Variants in MECOM observed in about 807,000 individuals in gnomAD.
MECOM encodes the protein histone-lysine N-methyltransferase MECOM.
A neutral mutation model predicts 116.3 loss-of-function variants in MECOM; 13 were observed. That is an observed-to-expected ratio of 0.11 (90% CI 0.07 to 0.18). The LOEUF is 0.18. Among genes scored for constraint, MECOM ranks in the 10% least tolerant of loss-of-function variants. The pLI is 1.00. For synonymous variants in MECOM, 528 were observed against 535.2 expected, an observed-to-expected ratio of 0.99 and a Z score of 0.19; for missense variants, 1,299 against 1,509.0, an observed-to-expected ratio of 0.86 and a Z score of 2.31.
intron 1 of MECOM, among the ~76,000 whole-genome samples, chr3:169,584,318 C>G (rs1019086919): frequency 2.6e-5 from 4 of 152,038 alleles, no homozygotes; most frequent in African/African-American, 9.7e-5. Context: ...GTAATCCCAG[C>G]ACTTTGGGAG....
chr3:169,554,943 A>C (rs1451167507), intron 1 of MECOM, among the ~76,000 whole-genome samples: 1 of 152,254 alleles, frequency 6.6e-6, no homozygotes, highest in Admixed American at 6.5e-5. Flanking sequence ...ACAAGTATGC[A>C]AGTCACTGAA....
chr3:169,603,960 T>C (rs1404413706), intron 1 of MECOM, among the ~76,000 whole-genome samples: 1 of 152,218 alleles, frequency 6.6e-6, no homozygotes, highest in Non-Finnish European at 1.5e-5. Context: ...GAAGAAGCTT[T>C]TTGGCACTCT....
At chr3:169,320,115 G>A (rs58360662) in intron 2 of MECOM, among the ~76,000 whole-genome samples, 18,853 of 152,170 alleles carry the variant, frequency 0.12, 1,769 homozygotes, top group East Asian at 0.33. Flanking sequence ...GACGTGTGAC[G>A]ATGAAGGGAA....
chr3:169,614,552 C>G (rs1769743202), intron 1 of MECOM, among the ~76,000 whole-genome samples: 1 of 152,178 alleles, frequency 6.6e-6, no homozygotes, highest in African/African-American at 2.4e-5. Context: ...GGCCCGGATT[C>G]CTTTTTAAAC....
intron 2 of MECOM, among the ~76,000 whole-genome samples, chr3:169,309,816 C>T (rs1431273222): frequency 1.3e-5 from 2 of 152,244 alleles, no homozygotes; most frequent in South Asian, 2.1e-4. Context: ...AAACTCATGT[C>T]GCCACCTTGA....
chr3:169,421,360 G>A (rs1159565795), intron 1 of MECOM, among the ~76,000 whole-genome samples: 1 of 152,070 alleles, frequency 6.6e-6, no homozygotes, highest in Non-Finnish European at 1.5e-5. Context: ...GGAGTTGTTT[G>A]CCATACAAGA....
intron 1 of MECOM, among the ~76,000 whole-genome samples, chr3:169,622,765 G>A (rs970554203): frequency 2.0e-5 from 3 of 152,176 alleles, no homozygotes; most frequent in Non-Finnish European, 4.4e-5. Context: ...CTCATGAAAC[G>A]AAGCCATACT....
chr3:169,377,607 C>T (rs1012550041), intron 2 of MECOM, among the ~76,000 whole-genome samples: 2 of 152,110 alleles, frequency 1.3e-5, no homozygotes, highest in African/African-American at 2.4e-5. Flanking sequence ...AAATGCAAAT[C>T]GAAACCACAA....
intron 1 of MECOM, among the ~76,000 whole-genome samples, chr3:169,414,054 T>A (rs1738076246): frequency 6.6e-6 from 1 of 152,174 alleles, no homozygotes; most frequent in South Asian, 2.1e-4. Context: ...GCAGACTGCC[T>A]CCTCAAGTGG....
chr3:169,388,301 T>C (rs1236648145), intron 1 of MECOM, among the ~76,000 whole-genome samples: 3 of 152,178 alleles, frequency 2.0e-5, no homozygotes, highest in Non-Finnish European at 4.4e-5. Context: ...TACAGAGGCT[T>C]GTTTGTGAGA....
intron 2 of MECOM, among the ~76,000 whole-genome samples, chr3:169,192,247 T>C (rs1338013515): frequency 6.6e-6 from 1 of 152,052 alleles, no homozygotes; most frequent in African/African-American, 2.4e-5. Flanking sequence ...TGAATTGGAA[T>C]AACAGAGCCC....
chr3:169,287,036 A>C (rs1713462748), intron 2 of MECOM, among the ~76,000 whole-genome samples: 2 of 152,172 alleles, frequency 1.3e-5, no homozygotes, highest in Admixed American at 6.5e-5. Context: ...TGTGATACTG[A>C]ATGCCAAACC....
At chr3:169,413,111 CAA>C (rs1737828062) in intron 1 of MECOM, among the ~76,000 whole-genome samples, 1 of 152,206 alleles carries the variant, frequency 6.6e-6, no homozygotes, top group Non-Finnish European at 1.5e-5. Context: ...CCAGTGAGAC[CAA>C]TGCAGAAGGC....
intron 1 of MECOM, among the ~76,000 whole-genome samples, chr3:169,527,470 G>A (rs554164253): frequency 2.0e-5 from 3 of 152,234 alleles, no homozygotes; most frequent in East Asian, 1.9e-4. Context: ...TAAGCCCCAC[G>A]CAGTTTCAGT....
chr3:169,638,952 G>A (rs1264255946), intron 1 of MECOM, among the ~76,000 whole-genome samples: 11 of 151,978 alleles, frequency 7.2e-5, no homozygotes, highest in Admixed American at 6.6e-4. Context: ...TCATTTCTGA[G>A]CTAAAGTAGT....
intron 2 of MECOM, among the ~76,000 whole-genome samples, chr3:169,237,027 T>C (rs1382547754): frequency 6.6e-6 from 1 of 152,222 alleles, no homozygotes; most frequent in Non-Finnish European, 1.5e-5. Flanking sequence ...TGAAATCTCA[T>C]ACATGTAATC....
chr3:169,156,816 C>T (rs895756261), intron 2 of MECOM, among the ~76,000 whole-genome samples: 9 of 152,078 alleles, frequency 5.9e-5, no homozygotes, highest in African/African-American at 2.2e-4. Context: ...TATGCATTTC[C>T]CTAGGAGAAA....
At chr3:169,244,921 A>C (rs1459035236) in intron 2 of MECOM, among the ~76,000 whole-genome samples, 1 of 152,246 alleles carries the variant, frequency 6.6e-6, no homozygotes, top group East Asian at 1.9e-4. Context: ...TTATTGACAC[A>C]AACAGTTGAT....
chr3:169,342,801 G>A (rs555357595), intron 2 of MECOM, among the ~76,000 whole-genome samples: 11 of 152,172 alleles, frequency 7.2e-5, no homozygotes, highest in Non-Finnish European at 1.3e-4. Context: ...TAGAGAGAAA[G>A]TGGGAATGTG....
Sources: allele counts gnomAD v4.1 joint callset (sites outside exome capture counted in the v4.1 genomes callset), GRCh38; gene constraint gnomAD v4.1.1; transcripts MANE v1.5; gene names NCBI Gene and HGNC (gene_info 2026-07-23, HGNC 2026-07-21).